ARPC1A: variants seen among roughly 807,000 people sequenced by gnomAD.
The protein encoded by ARPC1A is actin related protein 2/3 complex subunit 1A, also known as actin-related protein 2/3 complex subunit 1A.
In ARPC1A, 8 loss-of-function variants were observed where a neutral mutation model predicts 46.9. That is an observed-to-expected ratio of 0.17 (90% CI 0.10 to 0.31). The LOEUF is 0.31. Ranked by LOEUF, ARPC1A falls within the 10% of genes least tolerant of loss-of-function variation. The pLI is 1.00. For synonymous variants in ARPC1A, 152 were observed against 169.0 expected (o/e 0.90, Z 0.78); for missense variants, 286 against 483.6 (o/e 0.59, Z 3.83).
In ARPC1A at chr7:99,361,330, C is replaced by A. The variant is rs73395582; in HGVS notation, c.983+1592C>A. Among the ~76,000 whole-genome samples the A allele has an allele frequency of 9.9e-3, 1,500 of 152,112 alleles. 32 individuals carry two copies. The highest frequency in any genetic ancestry group is 0.035 in the African/African-American group (1,448 of 41,484). On this transcript the variant is annotated intron_variant, in intron 8 of 9. Transcript: ENST00000262942. ...CCATCCTGGGCAACACAGCAAGACC[C>A]CATCTCTACAAAAAAATTTTTAAGT...
At chr7:99,362,749 C>G (rs1272091351) in intron 8 of ARPC1A, among the ~76,000 whole-genome samples, 2 of 151,732 alleles carry the variant, frequency 1.3e-5, no homozygotes, top group African/African-American at 4.8e-5. Context: ...CGGGTAAGTT[C>G]TAGACATCTC....
At chr7:99,346,542 AGC>A in intron 4 of ARPC1A, among the ~76,000 whole-genome samples, 1 of 152,354 alleles carries the variant, frequency 6.6e-6, no homozygotes, top group African/African-American at 2.4e-5. Context: ...TCTTTGAACA[AGC>A]TGTATGTTTA....
At chr7:99,360,940 C>CA (rs34464636) in intron 8 of ARPC1A, among the ~76,000 whole-genome samples, 32,472 of 79,732 alleles carry the variant, frequency 0.41, 8,000 homozygotes, top group African/African-American at 0.71. Context: ...GACTCCGTCT[C>CA]AAAAAAAAAA....
At chr7:99,347,120 A>G (rs1045841296) in intron 4 of ARPC1A, among the ~76,000 whole-genome samples, 2 of 152,000 alleles carry the variant, frequency 1.3e-5, no homozygotes, top group African/African-American at 4.8e-5. Flanking sequence ...CCCAGTCTGG[A>G]GTACAGTGGT....
intron 1 of ARPC1A, among the ~76,000 whole-genome samples, chr7:99,332,844 G>T (rs1793169085): frequency 6.6e-6 from 1 of 150,430 alleles, no homozygotes; most frequent in Non-Finnish European, 1.5e-5. Flanking sequence ...CTCGTGACCT[G>T]CCTGCCTTGG....
At chr7:99,331,992 C>T (rs1793151022) in intron 1 of ARPC1A, among the ~76,000 whole-genome samples, 1 of 152,222 alleles carries the variant, frequency 6.6e-6, no homozygotes, top group Admixed American at 6.5e-5. Flanking sequence ...GAACAGTTCT[C>T]ATCCTGCCTC....
intron 1 of ARPC1A, 143 bp downstream of exon 1, chr7:99,326,147 G>T (rs1244132214): frequency 6.6e-6 from 1 of 152,172 alleles, no homozygotes; most frequent in Non-Finnish European, 1.5e-5. Context: ...CCCTGCCGGG[G>T]CCTCCTGAGG....
chr7:99,338,376 T>TA (rs1205838110), intron 3 of ARPC1A, 91 bp downstream of exon 3: 1 of 608,784 alleles, frequency 1.6e-6, no homozygotes, highest in Non-Finnish European at 2.4e-6. Flanking sequence ...CAGGTGGCCA[T>TA]AATTTTTTTT....
At chr7:99,340,351 T>A (rs533658283) in intron 3 of ARPC1A, among the ~76,000 whole-genome samples, 1 of 152,244 alleles carries the variant, frequency 6.6e-6, no homozygotes. Context: ...TTAGTAGATG[T>A]GGGATTTCAC....
chr7:99,352,808 T>C (rs1793565328), intron 5 of ARPC1A, among the ~76,000 whole-genome samples: 2 of 151,046 alleles, frequency 1.3e-5, no homozygotes, highest in Non-Finnish European at 3.0e-5. Flanking sequence ...CTACTAAAAA[T>C]ACAAAATTAG....
chr7:99,358,260 G>C (rs2150873090), intron 6 of ARPC1A, 80 bp from the exon 7 acceptor site: 2 of 1,405,196 alleles, frequency 1.4e-6, no homozygotes, highest in East Asian at 4.6e-5. Flanking sequence ...CTGTGAGAAT[G>C]GGTCCTTTGT....
At chr7:99,344,585 A>G in intron 4 of ARPC1A, 70 bp downstream of exon 4, 9 of 1,466,998 alleles carry the variant, frequency 6.1e-6, no homozygotes, top group Non-Finnish European at 8.5e-6. Flanking sequence ...GTGAGGGCTC[A>G]CCATAACTCC....
chr7:99,333,179 G>A, intron 1 of ARPC1A, 146 bp from the exon 2 acceptor site: 2 of 607,706 alleles, frequency 3.3e-6, no homozygotes, highest in Non-Finnish European at 5.8e-6. Context: ...ACAAGCGTGA[G>A]CCACCGTGCC....
intron 6 of ARPC1A, among the ~76,000 whole-genome samples, chr7:99,356,840 C>T (rs1793644130): frequency 1.3e-5 from 2 of 152,054 alleles, no homozygotes; most frequent in Admixed American, 1.3e-4. Flanking sequence ...GCAAAGCTTG[C>T]AGTGAGCCGA....
At chr7:99,347,936 G>A (rs1793487499) in intron 4 of ARPC1A, among the ~76,000 whole-genome samples, 1 of 152,106 alleles carries the variant, frequency 6.6e-6, no homozygotes, top group Admixed American at 6.6e-5. Flanking sequence ...GCAACCAGAC[G>A]TGATTGGTTT....
rs780382694 is a variant in ARPC1A at position 99,359,598 on chromosome 7, C to T, written c.843C>T (p.Thr281=). 9.9e-6 allele frequency: 16 copies of T among 1,614,156 alleles called. No homozygotes were observed. The highest frequency in any genetic ancestry group is 2.2e-5 in the East Asian group (1 of 44,874). ...LFNYDDRGCL[T]FVSKLDIPKQ... ...ACTACGATGACCGCGGCTGCCTGAC[C>T]TTCGTCTCCAAGTTAGATATTCCAA... is the stretch of plus-strand genomic sequence containing the variant. The change falls in exon 8 of 10, where the codon ACC becomes ACT. Residue 281 remains threonine, a synonymous_variant. Coordinates refer to ENST00000262942, the MANE Select transcript of ARPC1A (RefSeq NM_006409.4).
In ARPC1A at chr7:99,365,971, C is replaced by T. The variant is rs374494395; in HGVS notation, c.*42C>T. The T allele has an allele frequency of 2.9e-4, 454 of 1,551,826 alleles. No individual in the cohort carries two copies. The highest frequency in any genetic ancestry group is 1.3e-3 in the East Asian group (55 of 42,050). ...GCCATCCAGCATGACAAACTGTGGC[C>T]GACCGCAGCTGTGCCGTGGCACGAT... On this transcript the variant is annotated 3_prime_UTR_variant, in exon 10 of 10. Coordinates refer to ENST00000262942, the MANE Select transcript of ARPC1A (RefSeq NM_006409.4).
chr7:99,357,359 T>A (rs556363732), intron 6 of ARPC1A, among the ~76,000 whole-genome samples: 1 of 152,182 alleles, frequency 6.6e-6, no homozygotes, highest in East Asian at 1.9e-4. Flanking sequence ...ACAGTTAGCT[T>A]TTTTTTATTT....
intron 1 of ARPC1A, among the ~76,000 whole-genome samples, chr7:99,331,372 G>A (rs1793140841): frequency 1.3e-5 from 2 of 151,888 alleles, no homozygotes; most frequent in South Asian, 2.1e-4. Context: ...TCCAAACCTG[G>A]GTGAGAGAGC....
Sources: gnomAD v4.1 joint callset for allele counts (sites outside exome capture counted in the v4.1 genomes callset) on GRCh38, gnomAD v4.1.1 for gene constraint, MANE v1.5 for transcripts, NCBI Gene and HGNC (gene_info 2026-07-23, HGNC 2026-07-21) for gene names.